The following KLHL1 variants were observed in gnomAD, a reference collection of about 807,000 sequenced individuals.
KLHL1 encodes the protein kelch like family member 1, also known as kelch-like protein 1.
KLHL1 carries 47 observed loss-of-function variants against 77.7 expected under a neutral mutation model. That is an observed-to-expected ratio of 0.60 (90% CI 0.48 to 0.77). The LOEUF (loss-of-function observed/expected upper bound fraction) is 0.77. Ranked by LOEUF, KLHL1 falls within the 30% of genes least tolerant of loss-of-function variation. The pLI, the probability that KLHL1 is intolerant of heterozygous loss-of-function variation, is 0.00. For synonymous variants in KLHL1, 360 were observed against 325.2 expected, an observed-to-expected ratio of 1.11 and a Z score of -1.15; for missense variants, 925 against 910.8, an observed-to-expected ratio of 1.02 and a Z score of -0.20.
At chr13:69,982,366 G>T (rs1261297869) in intron 1 of KLHL1, among the ~76,000 whole-genome samples, 2 of 150,814 alleles carry the variant, frequency 1.3e-5, no homozygotes, top group Admixed American at 6.6e-5. Context: ...AACCCGAAAG[G>T]TGGAGGGTGC....
At chr13:69,710,933 T>A (rs1875846290) in intron 9 of KLHL1, among the ~76,000 whole-genome samples, 1 of 152,024 alleles carries the variant, frequency 6.6e-6, no homozygotes, top group African/African-American at 2.4e-5. Context: ...GAGACTCTAT[T>A]AAGGTTTATA....
At chr13:69,833,778 T>C (rs55873061) in intron 6 of KLHL1, among the ~76,000 whole-genome samples, 10,921 of 149,566 alleles carry the variant, frequency 0.073, 740 homozygotes, top group African/African-American at 0.18. Flanking sequence ...CATACATACA[T>C]ACATATATAC....
intron 5 of KLHL1, among the ~76,000 whole-genome samples, chr13:69,839,857 A>T (rs1268246513): frequency 1.3e-5 from 2 of 152,016 alleles, no homozygotes; most frequent in Non-Finnish European, 2.9e-5. Context: ...ATTTATTTGC[A>T]CACATCCAAA....
intron 6 of KLHL1, among the ~76,000 whole-genome samples, chr13:69,829,466 C>T (rs1878675897): frequency 6.7e-6 from 1 of 150,048 alleles, no homozygotes; most frequent in Admixed American, 6.6e-5. Flanking sequence ...GATCTTTCCT[C>T]TGACATAGTC....
At chr13:70,026,496 G>A (rs1351212142) in intron 1 of KLHL1, among the ~76,000 whole-genome samples, 2 of 152,064 alleles carry the variant, frequency 1.3e-5, no homozygotes, top group Non-Finnish European at 2.9e-5. Flanking sequence ...ACTGGATTGA[G>A]TGTAATGTAT....
chr13:69,794,008 A>G (rs1236804829), intron 7 of KLHL1, among the ~76,000 whole-genome samples: 4 of 152,168 alleles, frequency 2.6e-5, no homozygotes, highest in Admixed American at 6.6e-5. Context: ...CTGGATTGTT[A>G]ACATCACAAT....
intron 3 of KLHL1, among the ~76,000 whole-genome samples, chr13:69,955,297 C>T (rs571515199): frequency 6.6e-6 from 1 of 151,432 alleles, no homozygotes; most frequent in South Asian, 2.1e-4. Flanking sequence ...TTATTTCATT[C>T]AAATGTTTGG....
At chr13:69,873,171 C>G (rs1249620922) in intron 5 of KLHL1, among the ~76,000 whole-genome samples, 3 of 152,138 alleles carry the variant, frequency 2.0e-5, no homozygotes, top group African/African-American at 7.2e-5. Flanking sequence ...TTTCCATGAT[C>G]AAATAGTGAA....
intron 7 of KLHL1, among the ~76,000 whole-genome samples, chr13:69,778,101 AAC>A (rs1320525704): frequency 6.6e-6 from 1 of 152,084 alleles, no homozygotes; most frequent in Admixed American, 6.5e-5. Flanking sequence ...AAGATAGTAA[AAC>A]AGTTAATTAA....
chr13:69,829,020 C>T (rs118156743), intron 6 of KLHL1, among the ~76,000 whole-genome samples: 1,706 of 150,456 alleles, frequency 0.011, 82 homozygotes, highest in Non-Finnish European at 0.017. Context: ...AAGGCCTTGC[C>T]CATTGCCTGA....
At chr13:69,938,038 A>AC (rs200625045) in intron 4 of KLHL1, among the ~76,000 whole-genome samples, 1,560 of 152,276 alleles carry the variant, frequency 0.01, 25 homozygotes, top group African/African-American at 0.035. Context: ...GAGAAAAAAA[A>AC]ACACACACAA....
rs368453341 is a variant in KLHL1 at position 70,027,910 on chromosome 13, T to C, written c.498-52108A>G. Among the ~76,000 whole-genome samples, 43 of 152,276 alleles carry C rather than the reference T, an allele frequency of 2.8e-4. No homozygotes were observed. The East Asian group carries it at 7.4e-3, about 26-fold the overall frequency. On this transcript the variant is annotated intron_variant, in intron 1 of 10. Coordinates refer to ENST00000377844, the MANE Select transcript of KLHL1 (RefSeq NM_020866.3). ...GAGTTATTGTGGCGATGTTACACAG[T>C]GGCAAAGGATTTGGTAAACCTACTG...
chr13:69,859,470 C>T (rs1880051789), intron 5 of KLHL1, among the ~76,000 whole-genome samples: 1 of 151,908 alleles, frequency 6.6e-6, no homozygotes, highest in Non-Finnish European at 1.5e-5. Flanking sequence ...TTACGAGCTC[C>T]AGTAGGGCAG....
At chr13:69,821,826 CT>C (rs1804253155) in intron 6 of KLHL1, among the ~76,000 whole-genome samples, 1 of 152,076 alleles carries the variant, frequency 6.6e-6, no homozygotes, top group Non-Finnish European at 1.5e-5. Context: ...TTTCGACTAA[CT>C]TTTTTGCTTA....
chr13:70,039,543 C>T lies in KLHL1; in HGVS notation c.498-63741G>A, dbSNP rs112525844. Among the ~76,000 whole-genome samples, 562 of 151,888 alleles carry T rather than the reference C, an allele frequency of 3.7e-3. 5 individuals are homozygous for T. Among genetic ancestry groups the T allele is most frequent in the African/African-American group, 0.013 (527 of 41,410 alleles). On this transcript the variant is annotated intron_variant, in intron 1 of 10. Coordinates refer to ENST00000377844, the MANE Select transcript of KLHL1 (RefSeq NM_020866.3). Reference sequence around the variant, plus strand: ...CATCTTTTTAACAATCTTTTTCAAACGGCAAAAGATTTATTGCCATTTTAT... The same window carrying T: ...CATCTTTTTAACAATCTTTTTCAAATGGCAAAAGATTTATTGCCATTTTAT...
intron 4 of KLHL1, among the ~76,000 whole-genome samples, chr13:69,926,183 C>A (rs1213035484): frequency 6.6e-6 from 1 of 152,164 alleles, no homozygotes; most frequent in Non-Finnish European, 1.5e-5. Context: ...AAACATCCTG[C>A]AACATGTGTT....
At chr13:70,080,894 C>T (rs965345811) in intron 1 of KLHL1, among the ~76,000 whole-genome samples, 1 of 152,100 alleles carries the variant, frequency 6.6e-6, no homozygotes, top group South Asian at 2.1e-4. Context: ...ACGCCTGGCT[C>T]TTCTACCATT....
intron 1 of KLHL1, among the ~76,000 whole-genome samples, chr13:70,071,648 T>G (rs772967448): frequency 9.9e-5 from 15 of 151,596 alleles, no homozygotes; most frequent in Non-Finnish European, 1.8e-4. Context: ...CAGACCACAA[T>G]GTAATTAAAA....
chr13:69,898,667 A>C (rs1881736708), intron 4 of KLHL1, among the ~76,000 whole-genome samples: 1 of 152,276 alleles, frequency 6.6e-6, no homozygotes, highest in East Asian at 1.9e-4. Context: ...CCCAAGCCCC[A>C]AAAGGACTTG....
Sources: gnomAD v4.1 joint callset for allele counts (sites outside exome capture counted in the v4.1 genomes callset) on GRCh38, gnomAD v4.1.1 for gene constraint, MANE v1.5 for transcripts, NCBI Gene and HGNC (gene_info 2026-07-23, HGNC 2026-07-21) for gene names.